Variants in SETBP1 observed in about 807,000 individuals in gnomAD.
SETBP1 encodes the protein SET binding protein 1, also known as SET-binding protein.
In SETBP1, 9 loss-of-function variants were observed where a neutral mutation model predicts 101.0. The observed-to-expected ratio is 0.09, with a 90% CI of 0.05 to 0.16. The LOEUF is 0.16. SETBP1 is among the 10% of genes least tolerant of loss of function. The probability of loss-of-function intolerance (pLI) is 1.00; values close to 1 mark genes in which losing one functional copy is unlikely to be tolerated. For synonymous variants in SETBP1, 818 were observed against 788.5 expected (o/e 1.04, Z -0.63); for missense variants, 1,858 against 2,033.8 (o/e 0.91, Z 1.66).
intron 2 of SETBP1, among the ~76,000 whole-genome samples, chr18:44,831,595 C>A (rs965987194): frequency 2.0e-5 from 3 of 152,172 alleles, no homozygotes; most frequent in African/African-American, 7.2e-5. Context: ...AGTTAAGAGC[C>A]AAATGACTCA....
intron 4 of SETBP1, among the ~76,000 whole-genome samples, chr18:44,978,661 C>A (rs1422360552): frequency 6.6e-6 from 1 of 152,148 alleles, no homozygotes; most frequent in African/African-American, 2.4e-5. Context: ...GCTTGCATTA[C>A]TGTCATTCTT....
chr18:45,059,507 C>T lies in SETBP1; in HGVS notation c.4172-3572C>T, dbSNP rs180881494. Among the ~76,000 whole-genome samples the T allele has an allele frequency of 3.4e-3, 519 of 152,176 alleles. 5 individuals are homozygous for T. Among genetic ancestry groups the T allele is most frequent in the Middle Eastern group, 6.8e-3 (2 of 294 alleles). On this transcript the variant is annotated intron_variant, in intron 5 of 5. Coordinates refer to ENST00000649279, the MANE Select transcript of SETBP1 (RefSeq NM_015559.3). ...ACAGTTTCATCTTCTCCCTGCCCTG[C>T]GATTTATTTGTGGAAGACACCAGGT...
intron 3 of SETBP1, among the ~76,000 whole-genome samples, chr18:44,913,165 T>G (rs745683318): frequency 5.3e-5 from 8 of 152,216 alleles, no homozygotes; most frequent in Non-Finnish European, 1.0e-4. Flanking sequence ...TTCATAAATG[T>G]ACATTGATGG....
intron 3 of SETBP1, chr18:44,869,798 T>C (rs1357304845): frequency 4.8e-6 from 1 of 210,486 alleles, no homozygotes; most frequent in East Asian, 1.1e-4. Context: ...AGAGTGGTGT[T>C]TGGAGGTTAC....
chr18:44,815,786 G>A (rs987795155), intron 2 of SETBP1, among the ~76,000 whole-genome samples: 2 of 152,192 alleles, frequency 1.3e-5, no homozygotes, highest in African/African-American at 4.8e-5. Flanking sequence ...AGGAAACTGA[G>A]ACTCAGACAG....
rs146904449 is a variant in SETBP1 at position 44,962,575 on chromosome 18, G to A, written c.4000+9235G>A. ...TAGACATGTACACAAAGCAATCAGC[G>A]AGAATAATGGGAGTTATGCACTTAA... On this transcript the variant is annotated intron_variant, in intron 4 of 5. Coordinates refer to ENST00000649279, the MANE Select transcript of SETBP1 (RefSeq NM_015559.3). 1.0e-3 allele frequency among the ~76,000 whole-genome samples: 155 copies of A among 152,214 alleles called. 2 individuals carry two copies. The East Asian group carries it at 0.019, about 18-fold the overall frequency.
In SETBP1 at chr18:45,067,983, A is replaced by T. The variant is rs2073990952; in HGVS notation, c.*4285A>T. On this transcript the variant is annotated 3_prime_UTR_variant, in exon 6 of 6. Coordinates refer to ENST00000649279, the MANE Select transcript of SETBP1 (RefSeq NM_015559.3). ...AAAAAAATCTATTTCTTAAATAATAATAAATGCACATGATGTGTTAAATAT... is the reference window on the plus strand; with the variant it reads ...AAAAAAATCTATTTCTTAAATAATATTAAATGCACATGATGTGTTAAATAT... The T allele has an allele frequency of 6.6e-6, 1 of 152,214 alleles. No homozygotes were observed. Among genetic ancestry groups the T allele is most frequent in the South Asian group, 2.1e-4 (1 of 4,834 alleles). The allele number at this position is 152,214 out of a possible 1,614,324, so 9.4% of individuals were successfully genotyped here.
At chr18:45,030,215 C>G (rs1444506734) in intron 4 of SETBP1, among the ~76,000 whole-genome samples, 1 of 131,798 alleles carries the variant, frequency 7.6e-6, no homozygotes, top group African/African-American at 2.9e-5. Flanking sequence ...GAGTTTTTAG[C>G]ATGAAGGGTT....
intron 2 of SETBP1, among the ~76,000 whole-genome samples, chr18:44,807,412 T>G (rs1017651200): frequency 5.9e-5 from 9 of 152,192 alleles, no homozygotes; most frequent in Admixed American, 1.3e-4. Flanking sequence ...TTCTATCCTA[T>G]TTTAAATTAT....
intron 5 of SETBP1, among the ~76,000 whole-genome samples, chr18:45,045,788 G>GA (rs2073600170): frequency 1.3e-5 from 2 of 152,072 alleles, no homozygotes; most frequent in South Asian, 4.1e-4. Context: ...TAATCCTTGG[G>GA]AAAAGTTTAG....
intron 2 of SETBP1, among the ~76,000 whole-genome samples, chr18:44,753,010 T>C (rs11662744): frequency 0.2 from 30,984 of 152,156 alleles, 3,306 homozygotes; most frequent in Non-Finnish European, 0.24. Context: ...AACCAAGACT[T>C]AGAGAGGATT....
At chr18:44,983,501 A>C (rs1361900861) in intron 4 of SETBP1, among the ~76,000 whole-genome samples, 1 of 152,210 alleles carries the variant, frequency 6.6e-6, no homozygotes, top group African/African-American at 2.4e-5. Flanking sequence ...GAGTAGAGCC[A>C]AGATTTGCCC....
intron 2 of SETBP1, among the ~76,000 whole-genome samples, chr18:44,744,080 C>A (rs2070162604): frequency 6.6e-6 from 1 of 152,214 alleles, no homozygotes; most frequent in Non-Finnish European, 1.5e-5. Context: ...TGCTACACCC[C>A]TGAACATTTC....
At chr18:44,716,735 G>C (rs961111206) in intron 2 of SETBP1, among the ~76,000 whole-genome samples, 1 of 152,020 alleles carries the variant, frequency 6.6e-6, no homozygotes, top group Non-Finnish European at 1.5e-5. Context: ...GCTCATTTTT[G>C]TATTTTTAGT....
At chr18:44,962,899 C>T (rs542708572) in intron 4 of SETBP1, among the ~76,000 whole-genome samples, 1 of 152,196 alleles carries the variant, frequency 6.6e-6, no homozygotes, top group African/African-American at 2.4e-5. Flanking sequence ...GATCTGAGGA[C>T]CCAGAGATAA....
At chr18:44,848,568 G>A (rs1455914944) in intron 2 of SETBP1, among the ~76,000 whole-genome samples, 1 of 152,122 alleles carries the variant, frequency 6.6e-6, no homozygotes, top group Non-Finnish European at 1.5e-5. Context: ...TTCTCCTCTG[G>A]CATTTTAGAT....
intron 4 of SETBP1, among the ~76,000 whole-genome samples, chr18:44,955,031 C>T (rs1052776663): frequency 8.5e-5 from 13 of 152,134 alleles, no homozygotes; most frequent in Admixed American, 7.9e-4. Flanking sequence ...ACGCAAAAAT[C>T]CTAACTTAAC....
intron 4 of SETBP1, among the ~76,000 whole-genome samples, chr18:44,979,763 A>C (rs2072070453): frequency 6.6e-6 from 1 of 152,084 alleles, no homozygotes; most frequent in Non-Finnish European, 1.5e-5. Flanking sequence ...GCTCAAGAAA[A>C]CTCACTCTAT....
chr18:44,875,053 C>A (rs976578155), intron 3 of SETBP1, among the ~76,000 whole-genome samples: 4 of 152,130 alleles, frequency 2.6e-5, no homozygotes, highest in African/African-American at 7.2e-5. Context: ...TGGAAGGCAA[C>A]TGGGGGAGTG....
Sources: allele counts gnomAD v4.1 joint callset (sites outside exome capture counted in the v4.1 genomes callset), GRCh38; gene constraint gnomAD v4.1.1; transcripts MANE v1.5; gene names NCBI Gene and HGNC (gene_info 2026-07-23, HGNC 2026-07-21).